SAMD4A: variants seen among roughly 807,000 people sequenced by gnomAD.
SAMD4A encodes the protein sterile alpha motif domain containing 4A, also known as protein Smaug homolog 1.
A neutral mutation model predicts 81.3 loss-of-function variants in SAMD4A; 33 were observed. The observed-to-expected ratio is 0.41, with a 90% confidence interval of 0.31 to 0.54. SAMD4A has a LOEUF of 0.54. Among genes scored for constraint, SAMD4A ranks in the 20% least tolerant of loss-of-function variants. The pLI, the probability that SAMD4A is intolerant of heterozygous loss-of-function variation, is 0.37. For synonymous variants in SAMD4A, 389 were observed against 382.1 expected, an observed-to-expected ratio of 1.02 and a Z score of -0.21; for missense variants, 854 against 951.1, an observed-to-expected ratio of 0.90 and a Z score of 1.34.
At chr14:54,626,805 A>C (rs1049604835) in intron 2 of SAMD4A, among the ~76,000 whole-genome samples, 1 of 152,244 alleles carries the variant, frequency 6.6e-6, no homozygotes, top group Middle Eastern at 3.2e-3. Context: ...AATAGTTTAC[A>C]GAAGACTTGC....
At chr14:54,709,638 GCTGA>G (rs1319147105) in intron 3 of SAMD4A, among the ~76,000 whole-genome samples, 5 of 152,256 alleles carry the variant, frequency 3.3e-5, no homozygotes, top group Admixed American at 2.0e-4. Context: ...TCAAGGGTAT[GCTGA>G]CTAAGAACAA....
At chr14:54,731,789 A>G (rs1462756495) in intron 3 of SAMD4A, among the ~76,000 whole-genome samples, 1 of 152,156 alleles carries the variant, frequency 6.6e-6, no homozygotes, top group African/African-American at 2.4e-5. Context: ...ACAGAACCCA[A>G]CCTTGGGTTG....
chr14:54,599,742 A>G (rs1358184380), intron 2 of SAMD4A, among the ~76,000 whole-genome samples: 1 of 152,230 alleles, frequency 6.6e-6, no homozygotes, highest in African/African-American at 2.4e-5. Flanking sequence ...GTAAACTAAA[A>G]TGTTACACGG....
At chr14:54,598,764 C>T (rs765761793) in intron 2 of SAMD4A, among the ~76,000 whole-genome samples, 1 of 152,000 alleles carries the variant, frequency 6.6e-6, no homozygotes, top group Non-Finnish European at 1.5e-5. Flanking sequence ...GTATAAACAC[C>T]ACTATCGGGA....
At chr14:54,686,249 TG>T (rs1304698412) in intron 2 of SAMD4A, among the ~76,000 whole-genome samples, 2 of 152,062 alleles carry the variant, frequency 1.3e-5, no homozygotes, top group Non-Finnish European at 2.9e-5. Context: ...TCAGCTGAGG[TG>T]GGGATGCCCT....
chr14:54,774,916 C>T lies in SAMD4A; in HGVS notation c.1716-18C>T. On this transcript the variant is annotated intron_variant, in intron 9 of 12. Transcript: ENST00000554335. ...AATAACGACTGATATTCTCTTCCTT[C>T]TCTCTTGGCTCTCACAGTCGAGGCT... 6.2e-7 allele frequency: 1 copy of T among 1,613,680 alleles called. No individual in the cohort carries two copies. Among genetic ancestry groups the T allele is most frequent in the Non-Finnish European group, 8.5e-7 (1 of 1,179,652 alleles).
At chr14:54,760,776 G>A (rs1347792952) in intron 7 of SAMD4A, among the ~76,000 whole-genome samples, 3 of 152,140 alleles carry the variant, frequency 2.0e-5, no homozygotes, top group Non-Finnish European at 4.4e-5. Context: ...GTGCTCATTG[G>A]GCCAGTGGAC....
intron 2 of SAMD4A, among the ~76,000 whole-genome samples, chr14:54,657,159 A>G (rs1207730468): frequency 6.6e-6 from 1 of 152,168 alleles, no homozygotes. Flanking sequence ...ACAGTGATAA[A>G]TTACAGTTAA....
intron 2 of SAMD4A, among the ~76,000 whole-genome samples, chr14:54,659,923 G>A (rs1047764500): frequency 6.6e-6 from 1 of 152,094 alleles, no homozygotes; most frequent in Admixed American, 6.5e-5. Context: ...AGTCAAACAG[G>A]CCTTTTGATT....
chr14:54,749,874 C>T (rs543665699), intron 5 of SAMD4A, among the ~76,000 whole-genome samples: 67 of 152,314 alleles, frequency 4.4e-4, no homozygotes, highest in African/African-American at 9.6e-4. Context: ...CTGGTCTGGA[C>T]GCATACCTCC....
chr14:54,790,530 C>T lies in SAMD4A; in HGVS notation c.*1586C>T, dbSNP rs1287921074. ...AAAGGCTACATTTCAGAATTTGACA[C>T]AGTGGAGGGTATTAGAGGAAATCAA... On this transcript the variant is annotated 3_prime_UTR_variant, in exon 13 of 13. Coordinates refer to ENST00000554335, the MANE Select transcript of SAMD4A (RefSeq NM_015589.6). The T allele has an allele frequency of 6.6e-6, 1 of 152,114 alleles. No individual in the cohort carries two copies. The highest frequency in any genetic ancestry group is 1.5e-5 in the Non-Finnish European group (1 of 68,038). The allele number at this position is 152,114 out of a possible 1,614,324, so 9.4% of individuals were successfully genotyped here.
intron 12 of SAMD4A, among the ~76,000 whole-genome samples, chr14:54,786,997 A>G (rs2039158039): frequency 6.6e-6 from 1 of 152,222 alleles, no homozygotes; most frequent in African/African-American, 2.4e-5. Context: ...AGTTGGGCAC[A>G]GTGGCAGTGT....
intron 4 of SAMD4A, among the ~76,000 whole-genome samples, chr14:54,741,994 CT>C (rs1367491620): frequency 6.6e-6 from 1 of 152,114 alleles, no homozygotes; most frequent in Non-Finnish European, 1.5e-5. Flanking sequence ...GCAGAATGAC[CT>C]GCTTAGGTCT....
At chr14:54,695,071 T>G (rs1181061275) in intron 2 of SAMD4A, 2 of 243,486 alleles carry the variant, frequency 8.2e-6, no homozygotes, top group Non-Finnish European at 6.6e-6. Flanking sequence ...GTCTATACAG[T>G]CCACTACATA....
intron 2 of SAMD4A, among the ~76,000 whole-genome samples, chr14:54,652,395 G>A (rs944609752): frequency 6.6e-6 from 1 of 152,180 alleles, no homozygotes; most frequent in African/African-American, 2.4e-5. Flanking sequence ...ACCAACTTGC[G>A]GCATGCCAGC....
intron 2 of SAMD4A, among the ~76,000 whole-genome samples, chr14:54,626,059 T>TGTGTGCGCGCGC (rs368142521): frequency 6.0e-4 from 61 of 102,118 alleles, no homozygotes; most frequent in Middle Eastern, 4.9e-3. Context: ...TGTGTGTGTG[T>TGTGTGCGCGCGC]GCGCGCGCGC....
chr14:54,697,294 G>A lies in SAMD4A; in HGVS notation c.197-4768G>A, dbSNP rs553580601. On this transcript the variant is annotated intron_variant, in intron 2 of 12. Transcript: ENST00000554335. ...CAATGCTGGCTGGTTAATTTGCCAC[G>A]AGGAGCCATCATCAGAGAGACCAGA... Among the ~76,000 whole-genome samples the A allele has an allele frequency of 6.6e-5, 10 of 152,308 alleles. No homozygotes were observed. The South Asian group carries it at 8.3e-4, about 13-fold the overall frequency.
At chr14:54,756,186 C>A (rs1343612117) in intron 6 of SAMD4A, among the ~76,000 whole-genome samples, 1 of 152,168 alleles carries the variant, frequency 6.6e-6, no homozygotes, top group African/African-American at 2.4e-5. Flanking sequence ...TGTTTCACCC[C>A]TATCGGTGGA....
chr14:54,664,210 G>GA (rs2035706848), intron 2 of SAMD4A, among the ~76,000 whole-genome samples: 1 of 152,052 alleles, frequency 6.6e-6, no homozygotes, highest in Non-Finnish European at 1.5e-5. Context: ...AAGAGAACCT[G>GA]AAAATCATAG....
Sources: allele counts gnomAD v4.1 joint callset (sites outside exome capture counted in the v4.1 genomes callset), GRCh38; gene constraint gnomAD v4.1.1; transcripts MANE v1.5; gene names NCBI Gene and HGNC (gene_info 2026-07-23, HGNC 2026-07-21).